Variants in EPOR observed in about 807,000 individuals in gnomAD.
EPOR encodes the protein erythropoietin receptor.
In EPOR, 20 loss-of-function variants were observed where a neutral mutation model predicts 34.3. The observed-to-expected ratio is 0.58, with a 90% CI of 0.41 to 0.85. The LOEUF (loss-of-function observed/expected upper bound fraction) is 0.85. Among genes scored for constraint, EPOR ranks in the 40% least tolerant of loss-of-function variants. The probability of loss-of-function intolerance (pLI) is 0.00; values close to 1 mark genes in which losing one functional copy is unlikely to be tolerated. For missense variants in EPOR, 601 were observed against 672.7 expected, an observed-to-expected ratio of 0.89 and a Z score of 1.18; for synonymous variants, 312 against 299.0, an observed-to-expected ratio of 1.04 and a Z score of -0.45.
rs1364285216 is a variant in EPOR, at chr19:11,377,507, G to C, written c.*477C>G. The C allele has an allele frequency of 2.2e-6, 1 of 454,242 alleles. No homozygotes were observed. The highest frequency in any genetic ancestry group is 1.6e-5 in the South Asian group (1 of 64,480). 28.1% of individuals were successfully genotyped at this position (454,242 alleles called of 1,614,324 possible). On this transcript the variant is annotated 3_prime_UTR_variant, in exon 8 of 8. Coordinates refer to ENST00000222139, the MANE Select transcript of EPOR (RefSeq NM_000121.4). ...TAAGAGAAGGTAGAGCTACAGACTGGAAGAGTCTGAACCTCTGACTCATCC... is the reference window on the plus strand; with the variant it reads ...TAAGAGAAGGTAGAGCTACAGACTGCAAGAGTCTGAACCTCTGACTCATCC...
chr19:11,384,034 A>G, intron 1 of EPOR, 59 bp downstream of exon 1: 1 of 1,179,480 alleles, frequency 8.5e-7, no homozygotes, highest in Non-Finnish European at 1.2e-6. Flanking sequence ...CTGGGAGTTC[A>G]GGCCCCAGCA....
rs780044930 is a variant in EPOR, at chr19:11,381,972, C to A, written c.385G>T (p.Gly129Cys). The A allele has an allele frequency of 6.2e-7, 1 of 1,614,208 alleles. No homozygotes were observed. ...ATGACACGGTGATATCGCGGAGCGC[C>A]GGAGGCTGCTGTGACGCGCAACTCT... Reference protein sequence around the residue: ...PLELRVTAASGAPRYHRVIHI... With the variant: ...PLELRVTAASCAPRYHRVIHI... Residue 129 changes from glycine (G) to cysteine (C), a missense_variant, in exon 3 of 8, where the codon GGC becomes TGC. Physicochemically the swap from Gly to Cys is radical, Grantham distance 159. Coordinates refer to ENST00000222139, the MANE Select transcript of EPOR (RefSeq NM_000121.4). The surrounding 1 kb of genome is among the most constrained non-coding windows in gnomAD (Gnocchi z 5.3).
rs1255860777 is a variant in EPOR at position 11,378,848 on chromosome 19, CCA to C, written c.828-72_828-71del. ...ATACTCACCAATTCCCCCTCCACTCCCAGTCATAGAGGCACAGATACACTTGG... is the reference window on the plus strand; with the variant it reads ...ATACTCACCAATTCCCCCTCCACTCCGTCATAGAGGCACAGATACACTTGG... On this transcript the variant is annotated intron_variant, in intron 6 of 7. Coordinates refer to ENST00000222139, the MANE Select transcript of EPOR (RefSeq NM_000121.4). The surrounding 1 kb of genome is among the most constrained non-coding windows in gnomAD (Gnocchi z 5.3). 3 of 1,456,190 alleles carry C rather than the reference CCA, an allele frequency of 2.1e-6. No individual in the cohort carries two copies. The highest frequency in any genetic ancestry group is 1.7e-5 in the Admixed American group (1 of 57,766). The allele number at this position is 1,456,190 out of a possible 1,614,324, so 90.2% of individuals were successfully genotyped here.
chr19:11,377,645 T>C lies in EPOR; in HGVS notation c.*339A>G. 2.0e-6 allele frequency: 1 copy of C among 503,730 alleles called. No individual in the cohort carries two copies. The highest frequency in any genetic ancestry group is 2.3e-5 in the Admixed American group (1 of 44,038). 31.2% of individuals were successfully genotyped at this position (503,730 alleles called of 1,614,324 possible). On this transcript the variant is annotated 3_prime_UTR_variant, in exon 8 of 8. Transcript: ENST00000222139. ...CTATTTTGTTATGTTATGAGTAGCA[T>C]TCAGATTGCAGATCCAGCTTCTGAA...
chr19:11,381,275 G>C lies in EPOR; in HGVS notation c.586-66C>G. The C allele has an allele frequency of 6.6e-7, 1 of 1,520,452 alleles. No individual in the cohort carries two copies. Among genetic ancestry groups the C allele is most frequent in the Non-Finnish European group, 8.9e-7 (1 of 1,122,542 alleles). The allele number at this position is 1,520,452 out of a possible 1,614,324, so 94.2% of individuals were successfully genotyped here. ...AATAGATGACGTGGGGGCGGGCCCT[G>C]GTGGAACTGAGCCAATCAGGGGAAA... On this transcript the variant is annotated intron_variant, in intron 4 of 7. Coordinates refer to ENST00000222139, the MANE Select transcript of EPOR (RefSeq NM_000121.4). The surrounding 1 kb of genome is among the most constrained non-coding windows in gnomAD (Gnocchi z 5.3).
At chr19:11,382,136 A>G in intron 2 of EPOR, 31 bp from the exon 3 acceptor site, 10 of 1,602,910 alleles carry the variant, frequency 6.2e-6, no homozygotes, top group Non-Finnish European at 8.5e-6. Flanking sequence ...GCAGGTTGGG[A>G]GGGGGGACCG....
At chr19:11,382,250 G>A in intron 2 of EPOR, 145 bp from the exon 3 acceptor site, 1 of 693,644 alleles carries the variant, frequency 1.4e-6, no homozygotes, top group South Asian at 1.8e-5. Context: ...GCCCAGGCTG[G>A]AGTGCAGTGG....
rs60476134 is a variant in EPOR, at chr19:11,378,467, C to G, written c.1044G>C (p.Gly348=). The part of the protein sequence containing the change: ...CWGTMQAVEP[G]TDDEGPLLEP... ...CCAGCAGGGGGCCCTCATCATCTGT[C>G]CCCGGCTCCACTGCCTGCATCGTCC... The change falls in exon 8 of 8, where the codon GGG becomes GGC. Residue 348 remains glycine, a synonymous_variant. Coordinates refer to ENST00000222139, the MANE Select transcript of EPOR (RefSeq NM_000121.4). The surrounding 1 kb of genome is among the most constrained non-coding windows in gnomAD (Gnocchi z 5.3). The G allele has an allele frequency of 1.2e-6, 2 of 1,614,072 alleles. No homozygotes were observed. The highest frequency in any genetic ancestry group is 1.3e-5 in the African/African-American group (1 of 74,926).
In EPOR at chr19:11,383,244, C is replaced by T. The variant is rs201869724; in HGVS notation, c.116-12G>A. Reference sequence around the variant, plus strand: ...CGCCAGCAAGGCCGCTGGGGAGGGGCGACAAAGGAAGGGCATGGGGGTCTG... The same window carrying T: ...CGCCAGCAAGGCCGCTGGGGAGGGGTGACAAAGGAAGGGCATGGGGGTCTG... On this transcript the variant is annotated splice_polypyrimidine_tract_variant and intron_variant, in intron 1 of 7. Transcript: ENST00000222139. This position sits in a 1 kb window ranked among gnomAD's most constrained non-coding sequence, Gnocchi z 4.9. 3.0e-5 allele frequency: 48 copies of T among 1,584,852 alleles called. No individual in the cohort carries two copies. The highest frequency in any genetic ancestry group is 1.7e-4 in the Middle Eastern group (1 of 5,962).
At chr19:11,382,171 G>A (rs963018400) in intron 2 of EPOR, 66 bp from the exon 3 acceptor site, 5 of 1,336,996 alleles carry the variant, frequency 3.7e-6, no homozygotes, top group South Asian at 2.5e-5. Context: ...CCCGGCCTGT[G>A]GGGGGCAGTG....
chr19:11,379,993 G>A (rs1015097762), intron 6 of EPOR, among the ~76,000 whole-genome samples: 1 of 152,176 alleles, frequency 6.6e-6, no homozygotes, highest in African/African-American at 2.4e-5. Context: ...GAGCCACCAT[G>A]CCAGGCCATG....
intron 2 of EPOR, 119 bp downstream of exon 2, chr19:11,382,978 C>T: frequency 6.3e-7 from 1 of 1,588,164 alleles, no homozygotes; most frequent in South Asian, 1.1e-5. Flanking sequence ...CTCCAGTGAC[C>T]ACGACTGGAG....
chr19:11,379,376 G>A (rs1442907390), intron 6 of EPOR, among the ~76,000 whole-genome samples: 2 of 151,592 alleles, frequency 1.3e-5, no homozygotes, highest in African/African-American at 2.4e-5. Context: ...GAGGTCAGGA[G>A]TTTGAGACCA....
Position 11,384,216 on chromosome 19 carries a change from C to T in EPOR, c.-9G>A, listed in dbSNP as rs1358532565. On this transcript the variant is annotated 5_prime_UTR_variant, in exon 1 of 8. Transcript: ENST00000222139. Reference sequence around the variant, plus strand: ...GCCCCGAGGTGGTCCATGATACAGCCCCCGCCACGGGGAGCCCAGGGCTCC... The same window carrying T: ...GCCCCGAGGTGGTCCATGATACAGCTCCCGCCACGGGGAGCCCAGGGCTCC... The T allele has an allele frequency of 7.2e-6, 11 of 1,523,606 alleles. No homozygotes were observed. The East Asian group carries it at 1.5e-4, about 20-fold the overall frequency. The allele number at this position is 1,523,606 out of a possible 1,614,324, so 94.4% of individuals were successfully genotyped here.
intron 2 of EPOR, among the ~76,000 whole-genome samples, chr19:11,382,613 TC>T (rs1328007703): frequency 6.6e-6 from 1 of 152,142 alleles, no homozygotes; most frequent in African/African-American, 2.4e-5. Flanking sequence ...TCCGCCCGCC[TC>T]AGCCTCCCAA....
Position 11,381,111 on chromosome 19 carries a change from G to T in EPOR, c.684C>A (p.Ser228Arg). The change falls in exon 5 of 8, where the codon AGC (serine) becomes AGA (arginine). Residue 228 changes from serine to arginine, a missense_variant. By Grantham distance (110) the Ser-to-Arg change is moderately radical. Coordinates refer to ENST00000222139, the MANE Select transcript of EPOR (RefSeq NM_000121.4). This position sits in a 1 kb window ranked among gnomAD's most constrained non-coding sequence, Gnocchi z 5.3. Reference protein sequence around the residue: ...FAVRARMAEPSFGGFWSAWSE... With the variant: ...FAVRARMAEPRFGGFWSAWSE... ...ACCAGGCGCTCCAGAAGCCGCCGAA[G>T]CTCGGCTCAGCCATACGCGCGCGGA... 6.3e-7 allele frequency: 1 copy of T among 1,589,636 alleles called. No individual in the cohort carries two copies. Among genetic ancestry groups the T allele is most frequent in the South Asian group, 1.1e-5 (1 of 87,726 alleles).
chr19:11,378,808 G>A lies in EPOR; in HGVS notation c.828-30C>T. The A allele has an allele frequency of 1.4e-5, 23 of 1,604,052 alleles. No individual in the cohort carries two copies. The highest frequency in any genetic ancestry group is 1.9e-5 in the Non-Finnish European group (22 of 1,171,562). ...TGAAGCCAATATAAATAGTTACATAGATATGACTCATTGAATACTCACCAA... is the reference window on the plus strand; with the variant it reads ...TGAAGCCAATATAAATAGTTACATAAATATGACTCATTGAATACTCACCAA... On this transcript the variant is annotated intron_variant, in intron 6 of 7. Transcript: ENST00000222139. This position sits in a 1 kb window ranked among gnomAD's most constrained non-coding sequence, Gnocchi z 5.3.
Position 11,378,055 on chromosome 19 carries a change from A to G in EPOR, c.1456T>C (p.Ser486Pro), listed in dbSNP as rs370841243. The change falls in exon 8 of 8, where the codon TCC becomes CCC. Residue 486 changes from serine (S) to proline (P), a missense_variant. Transcript: ENST00000222139. This position sits in a 1 kb window ranked among gnomAD's most constrained non-coding sequence, Gnocchi z 5.3. ...ATAAGGCTGTTCTCATAAGGGTTGG[A>G]GTAGGGGCCATCGGATAAGCCCCCT... ...AQGGLSDGPYSNPYENSLIPA... is the reference protein window; with the variant it reads ...AQGGLSDGPYPNPYENSLIPA... 7.6e-5 allele frequency: 123 copies of G among 1,614,002 alleles called. No individual in the cohort carries two copies. The highest frequency in any genetic ancestry group is 9.1e-5 in the Non-Finnish European group (107 of 1,179,994).
chr19:11,382,021 G>T lies in EPOR; in HGVS notation c.336C>A (p.Ala112=). The T allele has an allele frequency of 1.2e-6, 2 of 1,614,190 alleles. No homozygotes were observed. Among genetic ancestry groups the T allele is most frequent in the Non-Finnish European group, 1.7e-6 (2 of 1,180,018 alleles). The change falls in exon 3 of 8, where the codon GCC becomes GCA. Residue 112 remains alanine (A), a synonymous_variant. Transcript: ENST00000222139. ...CTAGGGGCACGAAGCTCGACGTGTC[G>T]GCTGTAGGCAGCGAACACCAGAAGC... The part of the protein sequence containing the change: ...AVRFWCSLPT[A]DTSSFVPLEL...
Sources: gnomAD v4.1 joint callset for allele counts (sites outside exome capture counted in the v4.1 genomes callset) on GRCh38, gnomAD v4.1.1 for gene constraint, Gnocchi (gnomAD v3.1) non-coding constraint, MANE v1.5 for transcripts, NCBI Gene and HGNC (gene_info 2026-07-23, HGNC 2026-07-21) for gene names.